WIPF1: variants seen among roughly 807,000 people sequenced by gnomAD.
The protein encoded by WIPF1 is WAS/WASL interacting protein family member 1, also known as WAS/WASL-interacting protein family member 1.
A neutral mutation model predicts 35.4 loss-of-function variants in WIPF1; 13 were observed. The observed-to-expected ratio is 0.37, with a 90% CI of 0.24 to 0.58. The LOEUF (loss-of-function observed/expected upper bound fraction) is 0.58. Among genes scored for constraint, WIPF1 ranks in the 20% least tolerant of loss-of-function variants. WIPF1 has a pLI of 0.74. For missense variants in WIPF1, 591 were observed against 667.0 expected (o/e 0.89, Z 1.25); for synonymous variants, 267 against 266.3 (o/e 1.00, Z -0.02).
chr2:174,581,468 C>A, intron 2 of WIPF1, 29 bp from the exon 3 acceptor site: 1 of 1,609,466 alleles, frequency 6.2e-7, no homozygotes, highest in South Asian at 1.1e-5. Context: ...AACAAGTAGT[C>A]ATCTCTTGGG....
At chr2:174,573,716 C>A (rs1413617017) in intron 4 of WIPF1, among the ~76,000 whole-genome samples, 1 of 152,046 alleles carries the variant, frequency 6.6e-6, no homozygotes, top group African/African-American at 2.4e-5. Flanking sequence ...GTGCCCGGGG[C>A]ACAGTGAGAA....
chr2:174,674,209 C>G (rs888358680), intron 1 of WIPF1, among the ~76,000 whole-genome samples: 6 of 152,220 alleles, frequency 3.9e-5, no homozygotes, highest in African/African-American at 1.4e-4. Context: ...CTTTCAACAA[C>G]AGTCCAGGTT....
chr2:174,610,125 G>A (rs1686299476), intron 1 of WIPF1, among the ~76,000 whole-genome samples: 1 of 152,164 alleles, frequency 6.6e-6, no homozygotes, highest in Non-Finnish European at 1.5e-5. Context: ...TGCCTCGATG[G>A]GGTCAATACC....
intron 1 of WIPF1, among the ~76,000 whole-genome samples, chr2:174,617,312 T>C (rs1226524231): frequency 1.3e-5 from 2 of 152,156 alleles, no homozygotes; most frequent in African/African-American, 2.4e-5. Flanking sequence ...GAAAAACACA[T>C]TGAGCAATAA....
intron 1 of WIPF1, among the ~76,000 whole-genome samples, chr2:174,663,475 C>A (rs769827077): frequency 2.6e-5 from 4 of 152,124 alleles, no homozygotes; most frequent in South Asian, 4.2e-4. Flanking sequence ...CCCTTCCCCC[C>A]ACCCCGCCGC....
At chr2:174,632,709 CAAAAAAAAAA>C (rs71024821) in intron 1 of WIPF1, among the ~76,000 whole-genome samples, 1 of 68,892 alleles carries the variant, frequency 1.5e-5, no homozygotes, top group Admixed American at 1.8e-4. Context: ...AACTCCATCT[CAAAAAAAAAA>C]AAAAAAAAAA....
intron 1 of WIPF1, among the ~76,000 whole-genome samples, chr2:174,678,009 C>A (rs1030750910): frequency 1.3e-5 from 2 of 152,158 alleles, no homozygotes; most frequent in Non-Finnish European, 2.9e-5. Context: ...ATAAACAGAA[C>A]TTACCTCTCA....
intron 1 of WIPF1, among the ~76,000 whole-genome samples, chr2:174,588,881 C>T (rs961834480): frequency 6.6e-5 from 10 of 152,316 alleles, no homozygotes; most frequent in Non-Finnish European, 1.3e-4. Flanking sequence ...TTCCTCTCTT[C>T]CTCTGCGAAC....
intron 1 of WIPF1, among the ~76,000 whole-genome samples, chr2:174,603,720 A>T (rs907636884): frequency 2.6e-5 from 4 of 152,182 alleles, no homozygotes; most frequent in African/African-American, 9.7e-5. Flanking sequence ...TGTGATCTGC[A>T]ACCAAGATGG....
chr2:174,618,924 A>C (rs988900692), intron 1 of WIPF1, among the ~76,000 whole-genome samples: 14 of 152,060 alleles, frequency 9.2e-5, no homozygotes, highest in Admixed American at 9.2e-4. Flanking sequence ...GGCTCCACTC[A>C]TTATGAATCT....
rs531436156 is a variant in WIPF1, at chr2:174,664,277, G to A, written c.-39+18497C>T. 5.3e-5 allele frequency among the ~76,000 whole-genome samples: 8 copies of A among 152,296 alleles called. No individual in the cohort carries two copies. In the East Asian group the frequency reaches 1.4e-3, roughly 26 times the overall value. On this transcript the variant is annotated intron_variant, in intron 1 of 8. Transcript: ENST00000272746. ...AGAGCTTGCTTTTGAGAAAGCCAGCGCAGGGAGTGCGGAGGAGCTCGTTCA... is the reference window on the plus strand; with the variant it reads ...AGAGCTTGCTTTTGAGAAAGCCAGCACAGGGAGTGCGGAGGAGCTCGTTCA...
At chr2:174,637,693 A>G (rs1687213178) in intron 1 of WIPF1, among the ~76,000 whole-genome samples, 1 of 152,322 alleles carries the variant, frequency 6.6e-6, no homozygotes, top group East Asian at 1.9e-4. Context: ...AGGCTGAGGC[A>G]GGAGAACGGT....
chr2:174,667,030 C>A (rs995359391), intron 1 of WIPF1, among the ~76,000 whole-genome samples: 1 of 152,228 alleles, frequency 6.6e-6, no homozygotes, highest in African/African-American at 2.4e-5. Context: ...GAAAACCTTG[C>A]TGTATCAGAT....
chr2:174,589,588 C>T (rs995162405), intron 1 of WIPF1, among the ~76,000 whole-genome samples: 1 of 152,188 alleles, frequency 6.6e-6, no homozygotes, highest in Non-Finnish European at 1.5e-5. Context: ...GATCCTCACA[C>T]CCAGAGTCTG....
At chr2:174,667,889 T>C in intron 1 of WIPF1, among the ~76,000 whole-genome samples, 1 of 152,244 alleles carries the variant, frequency 6.6e-6, no homozygotes, top group African/African-American at 2.4e-5. Context: ...GCTAGTTTGA[T>C]TCTCTCACCC....
intron 1 of WIPF1, among the ~76,000 whole-genome samples, chr2:174,611,175 G>A (rs1686332599): frequency 2.0e-5 from 3 of 152,086 alleles, no homozygotes; most frequent in Admixed American, 2.0e-4. Flanking sequence ...ATGATGTGTG[G>A]AAGGAAATTT....
intron 1 of WIPF1, among the ~76,000 whole-genome samples, chr2:174,633,886 A>T (rs1559167665): frequency 6.6e-6 from 1 of 152,216 alleles, no homozygotes; most frequent in Non-Finnish European, 1.5e-5. Context: ...CTCATATTCA[A>T]GCTGTCCCTA....
At chr2:174,593,751 G>T (rs1176144401) in intron 1 of WIPF1, among the ~76,000 whole-genome samples, 1 of 152,108 alleles carries the variant, frequency 6.6e-6, no homozygotes, top group Non-Finnish European at 1.5e-5. Flanking sequence ...ATTTTATGAC[G>T]CGAGTCACTG....
At position 174,655,193 on chromosome 2, in the gene WIPF1, G is replaced by A. The variant is rs138702373; in HGVS notation, c.-39+27581C>T. Among the ~76,000 whole-genome samples, 597 of 152,152 alleles carry A rather than the reference G, an allele frequency of 3.9e-3. 3 individuals are homozygous for A. Among genetic ancestry groups the A allele is most frequent in the Middle Eastern group, 6.8e-3 (2 of 294 alleles). On this transcript the variant is annotated intron_variant, in intron 1 of 8. Coordinates refer to the WIPF1 transcript ENST00000272746. The stretch of plus-strand genomic sequence containing the variant: ...ACCCCCATAATCCCCAACACTTGCA[G>A]ATCTACTCCTTAGTATCTCTGGAAT...
Sources: allele counts gnomAD v4.1 joint callset (sites outside exome capture counted in the v4.1 genomes callset), GRCh38; gene constraint gnomAD v4.1.1; transcripts MANE v1.5; gene names NCBI Gene and HGNC (gene_info 2026-07-23, HGNC 2026-07-21).